The following XPO7 variants were observed in gnomAD, a reference collection of about 807,000 sequenced individuals.
The protein encoded by XPO7 is exportin-7.
Under a neutral mutation model 144.3 loss-of-function variants are expected in XPO7, and 21 were observed. That is an observed-to-expected ratio of 0.15 (90% CI 0.10 to 0.21). XPO7 has a LOEUF of 0.21. Ranked by LOEUF, XPO7 falls within the 10% of genes least tolerant of loss-of-function variation. The pLI is 1.00. For synonymous variants in XPO7, 580 were observed against 499.6 expected (o/e 1.16, Z -2.15); for missense variants, 808 against 1,325.8 (o/e 0.61, Z 6.06).
At chr8:21,945,564 TG>T (rs1195694242) in intron 1 of XPO7, among the ~76,000 whole-genome samples, 1 of 152,228 alleles carries the variant, frequency 6.6e-6, no homozygotes, top group Non-Finnish European at 1.5e-5. Context: ...GCATGTGGCA[TG>T]GTACGTTATC....
chr8:21,990,269 T>C (rs1812726438), intron 16 of XPO7, 75 bp from the exon 17 acceptor site: 2 of 1,472,592 alleles, frequency 1.4e-6, no homozygotes, highest in Admixed American at 1.7e-5. Flanking sequence ...CTGTCCTTTA[T>C]TCTGGAAAGT....
chr8:21,928,566 T>G (rs1335237098), intron 1 of XPO7, among the ~76,000 whole-genome samples: 1 of 152,234 alleles, frequency 6.6e-6, no homozygotes, highest in Non-Finnish European at 1.5e-5. Flanking sequence ...AGTATTGTCA[T>G]TCTTTTTGCC....
At chr8:22,003,809 T>C in intron 26 of XPO7, 94 bp from the exon 27 acceptor site, 1 of 1,560,590 alleles carries the variant, frequency 6.4e-7, no homozygotes, top group Non-Finnish European at 8.7e-7. Context: ...CCATTCCTCC[T>C]TAGAGAAGAA....
At chr8:21,967,892 G>A (rs139186192) in intron 2 of XPO7, among the ~76,000 whole-genome samples, 2 of 152,200 alleles carry the variant, frequency 1.3e-5, no homozygotes, top group African/African-American at 4.8e-5. Flanking sequence ...TGGAAGTCTT[G>A]GGAAGGGTGG....
At chr8:21,923,012 T>C (rs951376268) in intron 1 of XPO7, among the ~76,000 whole-genome samples, 11 of 152,360 alleles carry the variant, frequency 7.2e-5, no homozygotes, top group African/African-American at 2.6e-4. Flanking sequence ...AAAGTCGGCC[T>C]GATTATAGCA....
intron 2 of XPO7, among the ~76,000 whole-genome samples, chr8:21,967,399 T>G (rs1811919220): frequency 2.0e-5 from 3 of 152,140 alleles, no homozygotes; most frequent in African/African-American, 7.2e-5. Context: ...GGCGTGATCT[T>G]GGCTCACTGC....
intron 1 of XPO7, among the ~76,000 whole-genome samples, chr8:21,953,413 G>A (rs1324021777): frequency 6.6e-6 from 1 of 152,176 alleles, no homozygotes; most frequent in African/African-American, 2.4e-5. Flanking sequence ...TTAGCAGTAT[G>A]CATTTAAGTT....
At chr8:21,990,438 TCCTACCAC>T in intron 17 of XPO7, 31 bp downstream of exon 17, 1 of 1,610,884 alleles carries the variant, frequency 6.2e-7, no homozygotes, top group African/African-American at 1.3e-5. Context: ...TTCCTGGCCC[TCCTACCAC>T]CCACACATAC....
At chr8:21,936,769 C>G (rs923020902) in intron 1 of XPO7, among the ~76,000 whole-genome samples, 1 of 152,036 alleles carries the variant, frequency 6.6e-6, no homozygotes, top group Admixed American at 6.6e-5. Context: ...TCATGTAATC[C>G]TATTAGTGGC....
chr8:21,971,041 A>T (rs990700325), intron 4 of XPO7, among the ~76,000 whole-genome samples: 5 of 152,194 alleles, frequency 3.3e-5, no homozygotes, highest in African/African-American at 7.2e-5. Flanking sequence ...TTTTTAAAAA[A>T]AAAATCTTTT....
intron 1 of XPO7, among the ~76,000 whole-genome samples, chr8:21,965,733 G>C (rs1811862530): frequency 6.6e-6 from 1 of 152,186 alleles, no homozygotes; most frequent in Admixed American, 6.5e-5. Flanking sequence ...TAGTGGAAAA[G>C]CTGTGATTTA....
chr8:21,941,086 A>G (rs1810975727), intron 1 of XPO7, among the ~76,000 whole-genome samples: 1 of 152,074 alleles, frequency 6.6e-6, no homozygotes, highest in Non-Finnish European at 1.5e-5. Context: ...AGTCCCTGAT[A>G]GAAAATGGAT....
rs765348683 is a variant in XPO7, at chr8:21,984,803, G to A, written c.1435G>A (p.Ala479Thr). 1.7e-5 allele frequency: 27 copies of A among 1,613,848 alleles called. No individual in the cohort carries two copies. The highest frequency in any genetic ancestry group is 8.8e-5 in the South Asian group (8 of 91,090). Residue 479 changes from alanine to threonine, a missense_variant, in exon 12 of 28, where the codon GCC (alanine) becomes ACC (threonine). Around this residue, in one of 5 missense-constraint regions of XPO7, gnomAD observed 416 missense variants for 612.5 expected, o/e 0.68. Coordinates refer to ENST00000252512, the MANE Select transcript of XPO7 (RefSeq NM_015024.5). ...AQSYQELLQSASASPMDIAVQ... is the reference protein window; with the variant it reads ...AQSYQELLQSTSASPMDIAVQ... Reference sequence around the variant, plus strand: ...GTCGTACCAGGAGCTGCTACAGAGCGCCAGCGCAAGCCCAATGGACATTGC... The same window carrying A: ...GTCGTACCAGGAGCTGCTACAGAGCACCAGCGCAAGCCCAATGGACATTGC...
intron 24 of XPO7, among the ~76,000 whole-genome samples, chr8:22,001,823 A>G (rs1813157932): frequency 6.6e-6 from 1 of 152,380 alleles, no homozygotes; most frequent in Non-Finnish European, 1.5e-5. Context: ...CAAAAGAAGC[A>G]CTTGCTGAAT....
intron 1 of XPO7, among the ~76,000 whole-genome samples, chr8:21,955,616 C>G (rs1391164065): frequency 2.0e-5 from 3 of 151,980 alleles, no homozygotes; most frequent in Admixed American, 1.3e-4. Flanking sequence ...AGTTGTTGTC[C>G]TGGGCCCTTT....
intron 1 of XPO7, among the ~76,000 whole-genome samples, chr8:21,959,131 T>C (rs1341159609): frequency 6.6e-6 from 1 of 152,106 alleles, no homozygotes; most frequent in Non-Finnish European, 1.5e-5. Flanking sequence ...AGTGAGTAGG[T>C]GAATTCACAA....
chr8:21,992,138 G>A (rs1482462769), intron 19 of XPO7, among the ~76,000 whole-genome samples, 164 bp downstream of exon 19: 6 of 151,936 alleles, frequency 3.9e-5, no homozygotes, highest in African/African-American at 1.5e-4. Context: ...GTAAACTTCT[G>A]TTTTTATATT....
intron 18 of XPO7, 169 bp from the exon 19 acceptor site, chr8:21,991,699 G>A: frequency 2.1e-6 from 1 of 480,154 alleles, no homozygotes; most frequent in South Asian, 3.9e-5. Flanking sequence ...TAAAAATTCT[G>A]TTTCTATATA....
At chr8:21,992,568 A>T (rs1237825156) in intron 19 of XPO7, among the ~76,000 whole-genome samples, 1 of 152,006 alleles carries the variant, frequency 6.6e-6, no homozygotes, top group Non-Finnish European at 1.5e-5. Context: ...TTTTTTTTAG[A>T]GACAGAGTCT....
Sources: gnomAD v4.1 joint callset for allele counts (sites outside exome capture counted in the v4.1 genomes callset) on GRCh38, gnomAD v4.1.1 for gene constraint, gnomAD v4.1.1 regional missense constraint, MANE v1.5 for transcripts, NCBI Gene and HGNC (gene_info 2026-07-23, HGNC 2026-07-21) for gene names.